Variants in RDX observed in about 807,000 individuals in gnomAD.
The protein encoded by RDX is radixin.
In RDX, 32 loss-of-function variants were observed where a neutral mutation model predicts 83.7. That is an observed-to-expected ratio of 0.38 (90% CI 0.29 to 0.51). The LOEUF is 0.51. RDX is among the 20% of genes least tolerant of loss of function. RDX has a pLI of 0.87. For synonymous variants in RDX, 229 were observed against 222.7 expected, an observed-to-expected ratio of 1.03 and a Z score of -0.25; for missense variants, 600 against 689.9, an observed-to-expected ratio of 0.87 and a Z score of 1.46.
intron 3 of RDX, among the ~76,000 whole-genome samples, chr11:110,269,492 G>A (rs1181984357): frequency 6.6e-6 from 1 of 152,106 alleles, no homozygotes; most frequent in African/African-American, 2.4e-5. Context: ...ATCAGACATG[G>A]GGCTTTACTA....
rs1864709539 is a variant in RDX, at chr11:110,233,254, C to G, written c.1570G>C (p.Val524Leu). The change falls in exon 13 of 14, where the codon GTT becomes CTT. Residue 524 changes from valine (V) to leucine (L), a missense_variant. By Grantham distance (32) the Val-to-Leu change is conservative (BLOSUM62 1). Coordinates refer to ENST00000645495, the MANE Select transcript of RDX (RefSeq NM_002906.4). The part of the protein sequence containing the change: ...RVTETQKNER[V>L]KKQLQALSSE... ...TTAAATACCTGAAGTTGCTTCTTAA[C>G]ACGCTCATTTTTCTGTGTTTCGGTT... 1.2e-6 allele frequency: 2 copies of G among 1,613,172 alleles called. No individual in the cohort carries two copies. The highest frequency in any genetic ancestry group is 1.7e-6 in the Non-Finnish European group (2 of 1,179,972).
At chr11:110,282,440 A>G (rs1278697411) in intron 1 of RDX, among the ~76,000 whole-genome samples, 1 of 152,084 alleles carries the variant, frequency 6.6e-6, no homozygotes, top group Non-Finnish European at 1.5e-5. Context: ...ACTGCTAACT[A>G]ATTTCATTTG....
intron 10 of RDX, among the ~76,000 whole-genome samples, chr11:110,243,331 G>A (rs559734188): frequency 5.3e-5 from 8 of 152,096 alleles, no homozygotes; most frequent in Non-Finnish European, 1.0e-4. Context: ...CACCAGAATG[G>A]CTAACAAAAC....
chr11:110,277,689 A>C (rs2134417458), intron 2 of RDX, among the ~76,000 whole-genome samples: 1 of 152,230 alleles, frequency 6.6e-6, no homozygotes, highest in African/African-American at 2.4e-5. Flanking sequence ...AAAAAAAAAA[A>C]ATCTGAGTTG....
Position 110,272,608 on chromosome 11 carries a change from T to A in RDX, c.24A>T (p.Arg8Ser). The change falls in exon 3 of 14, where the codon AGA (arginine) becomes AGT (serine). Residue 8 changes from arginine to serine, a missense_variant. By Grantham distance (110) the Arg-to-Ser change is moderately radical (BLOSUM62 -1). Transcript: ENST00000645495. ...CCAGCTCAGCATCCATTGTAGTTAC[T>A]CTTACGTTGATCTGTAATAAAAATA... is the stretch of plus-strand genomic sequence containing the variant. MPKPINV[R>S]VTTMDAELEF... 6.2e-7 allele frequency: 1 copy of A among 1,609,042 alleles called. No homozygotes were observed. Among genetic ancestry groups the A allele is most frequent in the African/African-American group, 1.3e-5 (1 of 74,926 alleles).
At chr11:110,267,986 A>C (rs1449515642) in intron 3 of RDX, among the ~76,000 whole-genome samples, 1 of 152,056 alleles carries the variant, frequency 6.6e-6, no homozygotes, top group Non-Finnish European at 1.5e-5. Context: ...AAAATAAGAA[A>C]AAAGCATTTA....
In RDX at chr11:110,230,726, C is replaced by G. The variant is rs1285328999; in HGVS notation, c.*1143G>C. 1 of 152,396 alleles carries G rather than the reference C, an allele frequency of 6.6e-6. No individual in the cohort carries two copies. The highest frequency in any genetic ancestry group is 2.1e-4 in the South Asian group (1 of 4,812). 9.4% of individuals were successfully genotyped at this position (152,396 alleles called of 1,614,324 possible). On this transcript the variant is annotated 3_prime_UTR_variant, in exon 14 of 14. Transcript: ENST00000645495. ...CAAATCAGAATCCCACAGTTTGACT[C>G]GACAAAAAGGCAGTTAAAAATTTAG...
intron 5 of RDX, among the ~76,000 whole-genome samples, chr11:110,260,081 G>A (rs771944108): frequency 1.5e-4 from 23 of 151,808 alleles, no homozygotes; most frequent in Non-Finnish European, 2.1e-4. Flanking sequence ...CCACCTCCCG[G>A]GTTCAAGCGA....
chr11:110,257,755 T>C lies in RDX; in HGVS notation c.698+12A>G, dbSNP rs371565549. 9.3e-6 allele frequency: 15 copies of C among 1,611,334 alleles called. No individual in the cohort carries two copies. In the African/African-American group the frequency reaches 1.9e-4, roughly 20 times the overall value. ...AACAATGACTAGTTCACTATGCAAC[T>C]AATTTACTTACTTGTCGTCATGCTC... On this transcript the variant is annotated intron_variant, in intron 7 of 13. Transcript: ENST00000645495.
downstream of RDX, among the ~76,000 whole-genome samples, chr11:110,227,905 T>C (rs1354514059): frequency 6.6e-6 from 1 of 152,070 alleles, no homozygotes; most frequent in Non-Finnish European, 1.5e-5. Flanking sequence ...ACTCCTAAAG[T>C]AGTCCATATA....
intron 5 of RDX, 99 bp downstream of exon 5, chr11:110,263,861 C>T: frequency 9.4e-7 from 1 of 1,069,170 alleles, no homozygotes; most frequent in South Asian, 1.5e-5. Flanking sequence ...GGTCCAGACC[C>T]TGTCTCCAAA....
Position 110,223,241 on chromosome 11 carries a change from G to A in RDX, c.1748+8632C>T, listed in dbSNP as rs567126011. Among the ~76,000 whole-genome samples, 3 of 151,990 alleles carry A rather than the reference G, an allele frequency of 2.0e-5. No individual in the cohort carries two copies. In the South Asian group the frequency reaches 6.3e-4, roughly 32 times the overall value. On this transcript the variant is annotated intron_variant, in intron 14 of 15. Transcript: ENST00000528498. ...GTGGTGGGCGCCTGTGGTCCCAGCTGCTCAGGGAGGCTGAGGCAGAAGAAT... is the reference window on the plus strand; with the variant it reads ...GTGGTGGGCGCCTGTGGTCCCAGCTACTCAGGGAGGCTGAGGCAGAAGAAT...
rs200890130 is a variant in RDX at position 110,210,993 on chromosome 11, A to G, written c.1749-11315T>C. 9.2e-5 allele frequency among the ~76,000 whole-genome samples: 14 copies of G among 152,320 alleles called. No homozygotes were observed. The East Asian group carries it at 2.5e-3, about 27-fold the overall frequency. On this transcript the variant is annotated intron_variant, in intron 14 of 15. Coordinates refer to the RDX transcript ENST00000528498. ...CAGGATCAAATTCACACATAACAATATTCACTTTAAATGTAAATGGACTAA... is the reference window on the plus strand; with the variant it reads ...CAGGATCAAATTCACACATAACAATGTTCACTTTAAATGTAAATGGACTAA...
At chr11:110,281,485 C>T (rs1165375753) in intron 1 of RDX, among the ~76,000 whole-genome samples, 2 of 152,058 alleles carry the variant, frequency 1.3e-5, no homozygotes, top group African/African-American at 2.4e-5. Context: ...CACCACCACA[C>T]CCAGCTAATA....
intron 14 of RDX, among the ~76,000 whole-genome samples, chr11:110,215,335 C>T (rs2134264775): frequency 6.7e-6 from 1 of 149,454 alleles, no homozygotes; most frequent in Non-Finnish European, 1.5e-5. Flanking sequence ...TGAACTCCAG[C>T]CTGGGCAACA....
chr11:110,273,044 C>G, intron 2 of RDX: 1 of 456,270 alleles, frequency 2.2e-6, no homozygotes, highest in Non-Finnish European at 4.4e-6. Flanking sequence ...CTGGGGAACA[C>G]AGCAAGACTA....
In RDX at chr11:110,230,901, T is replaced by C. The variant is rs1438389144; in HGVS notation, c.*968A>G. 1 of 152,596 alleles carries C rather than the reference T, an allele frequency of 6.6e-6. No individual in the cohort carries two copies. The highest frequency in any genetic ancestry group is 1.5e-5 in the Non-Finnish European group (1 of 68,030). The allele number at this position is 152,596 out of a possible 1,614,324, so 9.5% of individuals were successfully genotyped here. Reference sequence around the variant, plus strand: ...CAGATGTAGTAGTGAGGTAGTATTGTTGTCCCCTCCTCGGGACTGATGTTT... The same window carrying C: ...CAGATGTAGTAGTGAGGTAGTATTGCTGTCCCCTCCTCGGGACTGATGTTT... On this transcript the variant is annotated 3_prime_UTR_variant, in exon 14 of 14. Transcript: ENST00000645495.
chr11:110,179,594 A>G (rs578124617), intron 15 of RDX, among the ~76,000 whole-genome samples: 5 of 152,264 alleles, frequency 3.3e-5, no homozygotes, highest in Admixed American at 3.3e-4. Flanking sequence ...TCAACATGGC[A>G]AAACCCTGTC....
chr11:110,207,049 T>A (rs1863632142), intron 14 of RDX, among the ~76,000 whole-genome samples: 1 of 152,188 alleles, frequency 6.6e-6, no homozygotes, highest in Non-Finnish European at 1.5e-5. Flanking sequence ...CTCAGCTCAC[T>A]GTAACCTCCA....
Sources: gnomAD v4.1 joint callset for allele counts (sites outside exome capture counted in the v4.1 genomes callset) on GRCh38, gnomAD v4.1.1 for gene constraint, MANE v1.5 for transcripts, NCBI Gene and HGNC (gene_info 2026-07-23, HGNC 2026-07-21) for gene names.